ATP8A2: variants seen among roughly 807,000 people sequenced by gnomAD.
ATP8A2 encodes ATPase phospholipid transporting 8A2, also known as phospholipid-transporting ATPase IB.
ATP8A2 carries 100 observed loss-of-function variants against 165.6 expected under a neutral mutation model. The observed-to-expected ratio is 0.60, with a 90% CI of 0.51 to 0.71. The LOEUF (loss-of-function observed/expected upper bound fraction) is 0.71. ATP8A2 is among the 30% of genes least tolerant of loss of function. The probability of loss-of-function intolerance (pLI) is 0.00; values close to 1 mark genes in which losing one functional copy is unlikely to be tolerated. For missense variants in ATP8A2, 1,227 were observed against 1,479.5 expected, an observed-to-expected ratio of 0.83 and a Z score of 2.80; for synonymous variants, 543 against 548.8, an observed-to-expected ratio of 0.99 and a Z score of 0.15.
chr13:25,978,707 T>C (rs1956114207), intron 35 of ATP8A2, among the ~76,000 whole-genome samples: 5 of 152,170 alleles, frequency 3.3e-5, no homozygotes, highest in African/African-American at 4.8e-5. Context: ...TTTGGGAGGC[T>C]GAGGCGGGCG....
At chr13:25,655,161 CT>C (rs1238500658) in intron 24 of ATP8A2, among the ~76,000 whole-genome samples, 1 of 151,978 alleles carries the variant, frequency 6.6e-6, no homozygotes, top group African/African-American at 2.4e-5. Context: ...GTTCTTTTTT[CT>C]TTTTTTCTTT....
Position 25,736,613 on chromosome 13 carries a change from T to C in ATP8A2, c.2385-32433T>C, listed in dbSNP as rs1044606726. ...CATTTCATAAATATTTTAGGCTTTG[T>C]GGTCTCTCTGCATCTGAATTCTGCT... On this transcript the variant is annotated intron_variant, in intron 25 of 36. Coordinates refer to ENST00000381655, the MANE Select transcript of ATP8A2 (RefSeq NM_016529.6). Among the ~76,000 whole-genome samples, 64 of 152,344 alleles carry C rather than the reference T, an allele frequency of 4.2e-4. 1 individual carries two copies. Among genetic ancestry groups the C allele is most frequent in the African/African-American group, 1.5e-3 (62 of 41,578 alleles).
intron 24 of ATP8A2, among the ~76,000 whole-genome samples, chr13:25,674,696 T>C (rs935841053): frequency 1.3e-5 from 2 of 152,088 alleles, no homozygotes; most frequent in East Asian, 3.9e-4. Context: ...TGGCACATTT[T>C]CCCCACCCGG....
At position 26,025,148 on chromosome 13, in the gene ATP8A2, A is replaced by G. The variant is rs2420050; in HGVS notation, c.*5163A>G. ...AAAAAAAAAAAAAAAGGAAGAAAAG[A>G]AAAAAAGGAAACCAGCCCTGTCATG... is the stretch of plus-strand genomic sequence containing the variant. On this transcript the variant is annotated 3_prime_UTR_variant, in exon 37 of 37. Coordinates refer to ENST00000381655, the MANE Select transcript of ATP8A2 (RefSeq NM_016529.6). 1 of 151,744 alleles carries G rather than the reference A, an allele frequency of 6.6e-6. No homozygotes were observed. The highest frequency in any genetic ancestry group is 1.5e-5 in the Non-Finnish European group (1 of 67,990). 9.4% of individuals were successfully genotyped at this position (151,744 alleles called of 1,614,324 possible). A position where few individuals can be genotyped will look rare whatever the true frequency, so the allele number is the denominator to read the frequency against.
intron 33 of ATP8A2, among the ~76,000 whole-genome samples, chr13:25,943,199 C>T (rs1413692490): frequency 1.3e-5 from 2 of 152,128 alleles, no homozygotes; most frequent in Non-Finnish European, 2.9e-5. Context: ...AATAATAATA[C>T]CTCCAGGATA....
In ATP8A2 at chr13:25,683,761, A is replaced by C. The variant is rs75698871; in HGVS notation, c.2212-15412A>C. Among the ~76,000 whole-genome samples the C allele has an allele frequency of 3.3e-3, 502 of 151,918 alleles. 4 individuals carry two copies. Among genetic ancestry groups the C allele is most frequent in the African/African-American group, 0.012 (491 of 41,422 alleles). ...GGCAAATTGATGGTCAAGAAGGCCA[A>C]GTTTAGCCTACAGTGGTGTCTTGTT... On this transcript the variant is annotated intron_variant, in intron 24 of 36. Transcript: ENST00000381655.
At chr13:25,768,401 C>T (rs1039823312) in intron 25 of ATP8A2, among the ~76,000 whole-genome samples, 2 of 152,148 alleles carry the variant, frequency 1.3e-5, no homozygotes, top group Non-Finnish European at 2.9e-5. Flanking sequence ...TTCTTGCCCC[C>T]TTTAGGGCTG....
chr13:25,773,756 CTGTGTGTA>C (rs964963465), intron 26 of ATP8A2, among the ~76,000 whole-genome samples: 1 of 151,780 alleles, frequency 6.6e-6, no homozygotes, highest in Non-Finnish European at 1.5e-5. Flanking sequence ...GTATGTGTGT[CTGTGTGTA>C]TGTGTGTCTC....
chr13:25,698,068 C>T (rs1322954402), intron 24 of ATP8A2, among the ~76,000 whole-genome samples: 2 of 152,132 alleles, frequency 1.3e-5, no homozygotes, highest in Non-Finnish European at 1.5e-5. Context: ...ATGAATGTTA[C>T]TTAATAGTCG....
intron 35 of ATP8A2, among the ~76,000 whole-genome samples, chr13:25,979,330 G>A (rs1956132357): frequency 1.3e-5 from 2 of 151,992 alleles, no homozygotes; most frequent in Admixed American, 6.6e-5. Context: ...AATTATTCTT[G>A]GGTTTAAAAA....
At chr13:25,410,868 C>T (rs1057187085) in intron 1 of ATP8A2, among the ~76,000 whole-genome samples, 1 of 152,214 alleles carries the variant, frequency 6.6e-6, no homozygotes, top group African/African-American at 2.4e-5. Flanking sequence ...CCCTTCTAGG[C>T]CTGCAGCCTG....
intron 25 of ATP8A2, among the ~76,000 whole-genome samples, chr13:25,747,063 T>C (rs1392608184): frequency 6.6e-6 from 1 of 152,170 alleles, no homozygotes; most frequent in Non-Finnish European, 1.5e-5. Flanking sequence ...CCTGACCTCA[T>C]CCAAGGGTTT....
At chr13:25,877,957 G>T (rs1470147730) in intron 33 of ATP8A2, among the ~76,000 whole-genome samples, 1 of 152,210 alleles carries the variant, frequency 6.6e-6, no homozygotes, top group Non-Finnish European at 1.5e-5. Flanking sequence ...CCTGATATGT[G>T]TATGTCAGAC....
intron 33 of ATP8A2, among the ~76,000 whole-genome samples, chr13:25,890,860 T>TA (rs1225024526): frequency 3.9e-5 from 6 of 152,218 alleles, no homozygotes; most frequent in Admixed American, 1.3e-4. Context: ...CAGCAGATGT[T>TA]ATGAAATTTG....
chr13:25,414,178 G>C (rs2034062378), intron 1 of ATP8A2, among the ~76,000 whole-genome samples: 1 of 146,008 alleles, frequency 6.8e-6, no homozygotes, highest in Admixed American at 6.9e-5. Flanking sequence ...TATCACAAGG[G>C]CTGTGGTGTT....
intron 2 of ATP8A2, among the ~76,000 whole-genome samples, chr13:25,514,046 A>G (rs976149473): frequency 6.7e-6 from 1 of 149,956 alleles, no homozygotes; most frequent in African/African-American, 2.5e-5. Flanking sequence ...ATAGTTGGAT[A>G]TTGGTCTTGT....
intron 33 of ATP8A2, among the ~76,000 whole-genome samples, chr13:25,909,015 G>T (rs998290687): frequency 2.6e-5 from 4 of 151,990 alleles, no homozygotes; most frequent in African/African-American, 9.7e-5. Context: ...TTTAGGTTTG[G>T]TACCATGTAC....
chr13:25,836,384 A>C (rs1352971525), intron 28 of ATP8A2, among the ~76,000 whole-genome samples: 1 of 152,154 alleles, frequency 6.6e-6, no homozygotes, highest in African/African-American at 2.4e-5. Context: ...AGAGCTTTGT[A>C]AGGGGTGCAT....
intron 11 of ATP8A2, 108 bp downstream of exon 11, chr13:25,551,611 G>A: frequency 9.5e-7 from 1 of 1,054,940 alleles, no homozygotes; most frequent in Non-Finnish European, 1.4e-6. Flanking sequence ...TGTTCCCTTT[G>A]GTTACTGTAC....
Sources: allele counts gnomAD v4.1 joint callset (sites outside exome capture counted in the v4.1 genomes callset), GRCh38; gene constraint gnomAD v4.1.1; transcripts MANE v1.5; gene names NCBI Gene and HGNC (gene_info 2026-07-23, HGNC 2026-07-21).